The following UBE2W variants were observed in gnomAD, a reference collection of about 807,000 sequenced individuals.
The protein encoded by UBE2W is ubiquitin conjugating enzyme E2 W, also known as ubiquitin-conjugating enzyme E2 W.
UBE2W carries 18 observed loss-of-function variants against 27.2 expected under a neutral mutation model. The observed-to-expected ratio is 0.66, with a 90% CI of 0.46 to 0.98. The LOEUF (loss-of-function observed/expected upper bound fraction) is 0.98. UBE2W is among the 50% of genes least tolerant of loss of function. The pLI is 0.00. For missense variants in UBE2W, 90 were observed against 180.2 expected, an observed-to-expected ratio of 0.50 and a Z score of 2.87; for synonymous variants, 53 against 57.2, an observed-to-expected ratio of 0.93 and a Z score of 0.33.
At chr8:73,809,839 A>G (rs914157864) in intron 4 of UBE2W, among the ~76,000 whole-genome samples, 2 of 152,194 alleles carry the variant, frequency 1.3e-5, no homozygotes, top group African/African-American at 4.8e-5. Flanking sequence ...TAGGCCTTCT[A>G]AAGTGCTGGG....
Position 73,848,661 on chromosome 8 carries a change from C to T in UBE2W, c.16-18189G>A, listed in dbSNP as rs116844401. On this transcript the variant is annotated intron_variant, in intron 1 of 5. Transcript: ENST00000602593. ...GAGCCGTGATCTCACCACTGCACAC[C>T]AACAGGGGTGACAGAGTGAGATCCT... 6.7e-3 allele frequency among the ~76,000 whole-genome samples: 1,025 copies of T among 151,968 alleles called. 14 individuals are homozygous for T. Among genetic ancestry groups the T allele is most frequent in the Non-Finnish European group, 9.2e-3 (627 of 67,958 alleles).
rs758384901 is a variant in UBE2W, at chr8:73,870,280, C to T, written c.15+8528G>A. On this transcript the variant is annotated intron_variant, in intron 1 of 5. Coordinates refer to ENST00000602593, the MANE Select transcript of UBE2W (RefSeq NM_018299.6). Reference sequence around the variant, plus strand: ...AAACACACACTTACTGGAAACCATACTTCCACCCTCCTTCCTGTGGTCTGA... The same window carrying T: ...AAACACACACTTACTGGAAACCATATTTCCACCCTCCTTCCTGTGGTCTGA... 13 of 1,587,270 alleles carry T rather than the reference C, an allele frequency of 8.2e-6. No homozygotes were observed. The South Asian group carries it at 1.4e-4, about 17-fold the overall frequency.
chr8:73,841,586 T>A (rs1810537325), intron 1 of UBE2W, among the ~76,000 whole-genome samples: 1 of 151,754 alleles, frequency 6.6e-6, no homozygotes, highest in East Asian at 1.9e-4. Flanking sequence ...AAAAGAAGAG[T>A]GGTAAGAGGA....
At chr8:73,834,683 T>C (rs1055201221) in intron 1 of UBE2W, among the ~76,000 whole-genome samples, 2 of 152,014 alleles carry the variant, frequency 1.3e-5, no homozygotes, top group South Asian at 2.1e-4. Flanking sequence ...TCAAGGAGCA[T>C]GTAATGCCTG....
rs577633610 is a variant in UBE2W, at chr8:73,872,878, A to T, written c.15+5930T>A. 8.5e-5 allele frequency among the ~76,000 whole-genome samples: 13 copies of T among 152,088 alleles called. No homozygotes were observed. In the South Asian group the frequency reaches 2.7e-3, roughly 32 times the overall value. On this transcript the variant is annotated intron_variant, in intron 1 of 5. Coordinates refer to ENST00000602593, the MANE Select transcript of UBE2W (RefSeq NM_018299.6). ...TTATAATTGTAAATTTTTACTGTTC[A>T]AAGATAATCCTTTTTTTTTTTCCTT...
chr8:73,842,508 G>A (rs374308290), intron 1 of UBE2W, among the ~76,000 whole-genome samples: 3 of 111,356 alleles, frequency 2.7e-5, no homozygotes, highest in African/African-American at 3.6e-5. Flanking sequence ...CAGCCTGGGC[G>A]ACAGAGGGAG....
chr8:73,793,528 A>C lies in UBE2W; in HGVS notation c.*574T>G. The C allele has an allele frequency of 4.1e-6, 4 of 985,914 alleles. No homozygotes were observed. Among genetic ancestry groups the C allele is most frequent in the Non-Finnish European group, 4.8e-6 (4 of 829,954 alleles). 61.1% of individuals were successfully genotyped at this position (985,914 alleles called of 1,614,324 possible). A position where few individuals can be genotyped will look rare whatever the true frequency, so the allele number is the denominator to read the frequency against. ...TAAATATGCAATGATCTTTCATTACAGTCCTTTAAAGACGCATGTTAATTC... is the reference window on the plus strand; with the variant it reads ...TAAATATGCAATGATCTTTCATTACCGTCCTTTAAAGACGCATGTTAATTC... On this transcript the variant is annotated 3_prime_UTR_variant, in exon 6 of 6. Transcript: ENST00000602593.
chr8:73,873,546 C>A (rs1370141740), intron 1 of UBE2W, among the ~76,000 whole-genome samples: 1 of 152,074 alleles, frequency 6.6e-6, no homozygotes, highest in African/African-American at 2.4e-5. Flanking sequence ...GTCCCAGCTG[C>A]TTGGGAGTCT....
intron 3 of UBE2W, among the ~76,000 whole-genome samples, chr8:73,815,846 T>C (rs1188547614): frequency 6.6e-6 from 1 of 152,164 alleles, no homozygotes; most frequent in Non-Finnish European, 1.5e-5. Flanking sequence ...ATGAGGAAAA[T>C]ATGTTCTCTG....
chr8:73,864,065 T>C (rs1811641081), intron 1 of UBE2W, among the ~76,000 whole-genome samples: 1 of 152,076 alleles, frequency 6.6e-6, no homozygotes, highest in South Asian at 2.1e-4. Flanking sequence ...TTAACAGGAC[T>C]TCAATACTTC....
Position 73,840,126 on chromosome 8 carries a change from G to A in UBE2W, c.16-9654C>T, listed in dbSNP as rs147345070. Among the ~76,000 whole-genome samples the A allele has an allele frequency of 4.0e-3, 605 of 151,722 alleles. 7 individuals carry two copies. Among genetic ancestry groups the A allele is most frequent in the African/African-American group, 0.014 (580 of 41,308 alleles). ...GGCTGGAGTGCAGTGGTGCGATCTC[G>A]GCTCACTGCAAACTCTGCCTCCAAG... is the stretch of plus-strand genomic sequence containing the variant. On this transcript the variant is annotated intron_variant, in intron 1 of 5. Coordinates refer to ENST00000602593, the MANE Select transcript of UBE2W (RefSeq NM_018299.6).
intron 5 of UBE2W, among the ~76,000 whole-genome samples, chr8:73,801,831 T>A (rs772610529): frequency 6.6e-6 from 1 of 152,210 alleles, no homozygotes; most frequent in South Asian, 2.1e-4. Context: ...ACAATAGTTC[T>A]CAGAAGACTA....
chr8:73,867,450 G>A (rs531942670), intron 1 of UBE2W, among the ~76,000 whole-genome samples: 1 of 152,074 alleles, frequency 6.6e-6, no homozygotes, highest in African/African-American at 2.4e-5. Flanking sequence ...CAGGAGAATC[G>A]CTTGAACCTG....
chr8:73,856,999 G>A (rs1811329207), intron 1 of UBE2W, among the ~76,000 whole-genome samples: 1 of 152,174 alleles, frequency 6.6e-6, no homozygotes, highest in Admixed American at 6.6e-5. Context: ...GAGCCACCAT[G>A]CCCAGCCTAA....
intron 1 of UBE2W, among the ~76,000 whole-genome samples, chr8:73,871,249 T>C (rs1330318513): frequency 6.6e-6 from 1 of 152,220 alleles, no homozygotes; most frequent in East Asian, 1.9e-4. Context: ...AATTTGCTAA[T>C]GGTTTGACTG....
chr8:73,804,781 A>G (rs1203952565), intron 5 of UBE2W, among the ~76,000 whole-genome samples: 1 of 151,148 alleles, frequency 6.6e-6, no homozygotes, highest in East Asian at 2.0e-4. Context: ...CCCAGGCTGG[A>G]GTAGAGTAGC....
At chr8:73,868,435 A>G (rs889794807) in intron 1 of UBE2W, among the ~76,000 whole-genome samples, 1 of 152,198 alleles carries the variant, frequency 6.6e-6, no homozygotes, top group Non-Finnish European at 1.5e-5. Flanking sequence ...CCTTTAAAAT[A>G]TCCTTTATAA....
rs1426094945 is a variant in UBE2W at position 73,792,757 on chromosome 8, C to A, written c.*1345G>T. ...AAGAACTTAGTTGTAGTATCATTAA[C>A]TCACATGGTACTGAGAACTGGACCT... is the stretch of plus-strand genomic sequence containing the variant. On this transcript the variant is annotated 3_prime_UTR_variant, in exon 6 of 6. Coordinates refer to ENST00000602593, the MANE Select transcript of UBE2W (RefSeq NM_018299.6). 40 of 985,504 alleles carry A rather than the reference C, an allele frequency of 4.1e-5. No homozygotes were observed. The highest frequency in any genetic ancestry group is 5.2e-4 in the Middle Eastern group (1 of 1,914). 61.0% of individuals were successfully genotyped at this position (985,504 alleles called of 1,614,324 possible).
chr8:73,799,663 T>C (rs1563573122), intron 5 of UBE2W, among the ~76,000 whole-genome samples: 1 of 152,222 alleles, frequency 6.6e-6, no homozygotes, highest in Non-Finnish European at 1.5e-5. Flanking sequence ...GACCCAAGTA[T>C]GTCAGGAAGC....
Sources: allele counts gnomAD v4.1 joint callset (sites outside exome capture counted in the v4.1 genomes callset), GRCh38; gene constraint gnomAD v4.1.1; transcripts MANE v1.5; gene names NCBI Gene and HGNC (gene_info 2026-07-23, HGNC 2026-07-21).